MBP: variants seen among roughly 807,000 people sequenced by gnomAD.
MBP encodes Golli-MBP.
MBP carries 16 observed loss-of-function variants against 35.8 expected under a neutral mutation model. The observed-to-expected ratio is 0.45, with a 90% CI of 0.30 to 0.68. MBP has a LOEUF of 0.68. MBP is among the 30% of genes least tolerant of loss of function. MBP has a pLI of 0.08. For missense variants in MBP, 380 were observed against 404.7 expected (o/e 0.94, Z 0.52); for synonymous variants, 143 against 159.6 (o/e 0.90, Z 0.78).
At chr18:77,098,168 C>CTTTTTTTTTTATTTT (rs1975843493) in intron 2 of MBP, among the ~76,000 whole-genome samples, 1 of 108,546 alleles carries the variant, frequency 9.2e-6, no homozygotes, top group Non-Finnish European at 1.8e-5. Flanking sequence ...CAAGGACTTC[C>CTTTTTTTTTTATTTT]TTTTTTTTTT....
chr18:77,045,387 GCCTGCACCAGGTCAGGGCCT>G (rs1973201086), intron 3 of MBP, among the ~76,000 whole-genome samples: 6 of 150,668 alleles, frequency 4.0e-5, no homozygotes, highest in East Asian at 1.9e-4. Flanking sequence ...AGCAGCACCT[GCCTGCACCAGGTCAGGGCCT>G]CTGGAGCCTG....
At chr18:77,026,669 A>G (rs1457444528) in intron 3 of MBP, among the ~76,000 whole-genome samples, 1 of 152,128 alleles carries the variant, frequency 6.6e-6, no homozygotes, top group Non-Finnish European at 1.5e-5. Context: ...AGTTTGAGAC[A>G]ACCCTGAGCA....
At chr18:77,032,540 C>T (rs1045089905) in intron 3 of MBP, among the ~76,000 whole-genome samples, 1 of 152,228 alleles carries the variant, frequency 6.6e-6, no homozygotes, top group Admixed American at 6.5e-5. Context: ...AGGGTGGGGA[C>T]GGGGTCGGCG....
chr18:77,032,740 TCA>T (rs1335283248), intron 3 of MBP, among the ~76,000 whole-genome samples: 2 of 152,202 alleles, frequency 1.3e-5, no homozygotes, highest in African/African-American at 2.4e-5. Flanking sequence ...TTGGTGAATT[TCA>T]CAGTGACTTG....
intron 2 of MBP, among the ~76,000 whole-genome samples, chr18:77,104,002 C>T (rs73970914): frequency 0.013 from 1,948 of 152,368 alleles, 46 homozygotes; most frequent in African/African-American, 0.043. Flanking sequence ...TTTGCAGTTT[C>T]CCGTTTAACT....
At chr18:77,013,359 T>A (rs1971454552) in intron 4 of MBP, 2 of 985,362 alleles carry the variant, frequency 2.0e-6, no homozygotes, top group African/African-American at 3.5e-5. Context: ...CCGTGCTGTC[T>A]ACTGTATCCT....
intron 8 of MBP, chr18:76,983,115 C>T (rs1969306638): frequency 6.6e-6 from 1 of 152,120 alleles, no homozygotes; most frequent in Non-Finnish European, 1.5e-5. Flanking sequence ...ATTGCAAGGA[C>T]AATATTTGCT....
chr18:77,100,019 G>A (rs1357490983), intron 2 of MBP, among the ~76,000 whole-genome samples: 1 of 152,194 alleles, frequency 6.6e-6, no homozygotes, highest in Non-Finnish European at 1.5e-5. Context: ...AGCCGCTGCT[G>A]GGGTTTATCA....
chr18:76,985,376 A>G, intron 7 of MBP: 4 of 1,263,352 alleles, frequency 3.2e-6, no homozygotes, highest in Non-Finnish European at 4.1e-6. Flanking sequence ...CCTTTTGCTG[A>G]TTGATTTGCA....
At chr18:77,043,200 T>C (rs1973086547) in intron 3 of MBP, among the ~76,000 whole-genome samples, 2 of 152,326 alleles carry the variant, frequency 1.3e-5, no homozygotes, top group South Asian at 2.1e-4. Context: ...TAAAGGTTCG[T>C]TCATGAAAAT....
rs1175568417 is a variant in MBP, at chr18:76,979,751, C to G, written c.*676G>C. 1 of 581,878 alleles carries G rather than the reference C, an allele frequency of 1.7e-6. No homozygotes were observed. Among genetic ancestry groups the G allele is most frequent in the African/African-American group, 1.9e-5 (1 of 53,232 alleles). 36.0% of individuals were successfully genotyped at this position (581,878 alleles called of 1,614,324 possible). A position where few individuals can be genotyped will look rare whatever the true frequency, so the allele number is the denominator to read the frequency against. On this transcript the variant is annotated 3_prime_UTR_variant, in exon 9 of 9. Coordinates refer to ENST00000355994, the MANE Select transcript of MBP (RefSeq NM_001025101.2). ...CCACGTTTGCCTCCTTTTCCTCCCT[C>G]TGCCACACGCGAATTCAGCTAATTG...
intron 2 of MBP, among the ~76,000 whole-genome samples, chr18:77,099,889 T>A (rs1204337462): frequency 6.6e-6 from 1 of 152,170 alleles, no homozygotes; most frequent in Admixed American, 6.5e-5. Flanking sequence ...AGGTCTGCTG[T>A]CTCCTGAGGA....
intron 2 of MBP, among the ~76,000 whole-genome samples, chr18:77,074,170 C>G (rs1448677379): frequency 1.3e-5 from 2 of 152,160 alleles, no homozygotes; most frequent in African/African-American, 4.8e-5. Context: ...AGACAGTGCC[C>G]ACGTGGGGGC....
chr18:77,089,673 T>C (rs1042415269), intron 2 of MBP, among the ~76,000 whole-genome samples: 3 of 152,350 alleles, frequency 2.0e-5, no homozygotes, highest in Admixed American at 1.3e-4. Flanking sequence ...GTAGCCGCTC[T>C]TGGGCTCTTG....
At chr18:77,094,668 G>T (rs186959258) in intron 2 of MBP, among the ~76,000 whole-genome samples, 21 of 152,272 alleles carry the variant, frequency 1.4e-4, no homozygotes, top group Admixed American at 1.2e-3. Context: ...ATTAACTTTT[G>T]TATGATTTTG....
intron 3 of MBP, among the ~76,000 whole-genome samples, chr18:77,045,812 A>G (rs470349): frequency 0.76 from 115,537 of 152,166 alleles, 44,687 homozygotes; most frequent in Non-Finnish European, 0.84. Flanking sequence ...GCAGCACAGA[A>G]AAAAGGAGAC....
intron 2 of MBP, chr18:77,066,636 T>C (rs1974211433): frequency 1.4e-6 from 1 of 698,726 alleles, no homozygotes; most frequent in East Asian, 2.8e-5. Flanking sequence ...TACAAAAAAA[T>C]TGGAATATCA....
chr18:77,037,542 G>A (rs529000925), intron 3 of MBP, among the ~76,000 whole-genome samples: 2 of 152,328 alleles, frequency 1.3e-5, no homozygotes, highest in East Asian at 3.9e-4. Flanking sequence ...AGGATCTGGG[G>A]GATGATTCCG....
At chr18:77,007,366 G>A (rs891867548) in intron 4 of MBP, among the ~76,000 whole-genome samples, 2 of 152,146 alleles carry the variant, frequency 1.3e-5, no homozygotes, top group Non-Finnish European at 1.5e-5. Flanking sequence ...CACCGTCTTC[G>A]GGCAGGGGCA....
Sources: gnomAD v4.1 joint callset for allele counts (sites outside exome capture counted in the v4.1 genomes callset) on GRCh38, gnomAD v4.1.1 for gene constraint, MANE v1.5 for transcripts, NCBI Gene and HGNC (gene_info 2026-07-23, HGNC 2026-07-21) for gene names.